The following ZFHX3 variants were observed in gnomAD, a reference collection of about 807,000 sequenced individuals.
ZFHX3 encodes the protein zinc finger homeobox protein 3.
ZFHX3 carries 42 observed loss-of-function variants against 279.1 expected under a neutral mutation model. That is an observed-to-expected ratio of 0.15 (90% confidence interval 0.12 to 0.19). ZFHX3 has a LOEUF of 0.19. Ranked by LOEUF, ZFHX3 falls within the 10% of genes least tolerant of loss-of-function variation. The probability of loss-of-function intolerance (pLI) is 1.00; values close to 1 mark genes in which losing one functional copy is unlikely to be tolerated. For missense variants in ZFHX3, 4,981 were observed against 4,754.0 expected, an observed-to-expected ratio of 1.05 and a Z score of -1.40; for synonymous variants, 2,293 against 1,957.8, an observed-to-expected ratio of 1.17 and a Z score of -4.52.
At chr16:73,849,718 A>G (rs555313313) in intron 1 of ZFHX3, among the ~76,000 whole-genome samples, 1 of 152,280 alleles carries the variant, frequency 6.6e-6, no homozygotes, top group African/African-American at 2.4e-5. Context: ...TGTTGCCTTC[A>G]TCCACTGATA....
chr16:73,530,300 C>CA (rs2019776241), intron 2 of ZFHX3, among the ~76,000 whole-genome samples: 1 of 152,086 alleles, frequency 6.6e-6, no homozygotes, highest in Non-Finnish European at 1.5e-5. Flanking sequence ...GTCTGTCCCA[C>CA]AAAAATTGGG....
intron 5 of ZFHX3, among the ~76,000 whole-genome samples, chr16:73,253,945 T>A (rs60872353): frequency 0.08 from 12,212 of 152,214 alleles, 594 homozygotes; most frequent in African/African-American, 0.12. Context: ...ATACTGGCCT[T>A]GGAGGTGTCC....
intron 1 of ZFHX3, among the ~76,000 whole-genome samples, chr16:73,716,965 A>C (rs2053422238): frequency 6.6e-6 from 1 of 152,102 alleles, no homozygotes; most frequent in Admixed American, 6.5e-5. Flanking sequence ...GATGAAAATA[A>C]AATTATTTTC....
chr16:73,874,952 T>G (rs757170336), intron 1 of ZFHX3, among the ~76,000 whole-genome samples: 5 of 152,318 alleles, frequency 3.3e-5, no homozygotes, highest in African/African-American at 1.2e-4. Context: ...ATACATACAG[T>G]TGGCAACAGA....
intron 1 of ZFHX3, among the ~76,000 whole-genome samples, chr16:72,964,228 C>A (rs758316877): frequency 1.1e-4 from 17 of 152,038 alleles, no homozygotes; most frequent in Non-Finnish European, 1.9e-4. Context: ...AGGAAAGAAC[C>A]CAAGCAATGC....
At chr16:73,475,158 T>A (rs1282091450) in intron 2 of ZFHX3, among the ~76,000 whole-genome samples, 1 of 152,238 alleles carries the variant, frequency 6.6e-6, no homozygotes, top group Non-Finnish European at 1.5e-5. Context: ...GAGGCCACTC[T>A]CACATTTTTG....
At chr16:72,943,970 T>C (rs188771227) in intron 3 of ZFHX3, among the ~76,000 whole-genome samples, 9 of 152,336 alleles carry the variant, frequency 5.9e-5, no homozygotes, top group African/African-American at 1.2e-4. Flanking sequence ...AGTATCTATA[T>C]GTACTGACCT....
chr16:73,028,497 T>A (rs1349413988), intron 1 of ZFHX3, among the ~76,000 whole-genome samples: 1 of 152,162 alleles, frequency 6.6e-6, no homozygotes, highest in Non-Finnish European at 1.5e-5. Context: ...TGGTCGCTCC[T>A]CCTGCCAACC....
intron 2 of ZFHX3, among the ~76,000 whole-genome samples, chr16:73,470,823 C>T (rs930779015): frequency 2.6e-5 from 4 of 152,186 alleles, no homozygotes; most frequent in Non-Finnish European, 5.9e-5. Context: ...TATACCTCAT[C>T]ACGGCTACCT....
At chr16:73,873,086 G>A (rs1390556606) in intron 1 of ZFHX3, among the ~76,000 whole-genome samples, 7 of 54,354 alleles carry the variant, frequency 1.3e-4, no homozygotes, top group South Asian at 7.6e-4. Context: ...GTGGTGGTGG[G>A]TGGTGGGTGG....
In ZFHX3 at chr16:73,860,122, C is replaced by T. The variant is rs764936246; in HGVS notation, c.-1608+31529G>A. 4.7e-4 allele frequency among the ~76,000 whole-genome samples: 72 copies of T among 152,170 alleles called. 1 individual carries two copies. The highest frequency in any genetic ancestry group is 4.1e-4 in the South Asian group (2 of 4,830). On this transcript the variant is annotated intron_variant, in intron 1 of 17. Transcript: ENST00000641206. Reference sequence around the variant, plus strand: ...ATAGCAAAGAAGAACCATTCTGAAGCGAGACCATCCTGACGTGCCCCTCCT... The same window carrying T: ...ATAGCAAAGAAGAACCATTCTGAAGTGAGACCATCCTGACGTGCCCCTCCT...
chr16:73,076,239 G>A (rs192674311), intron 8 of ZFHX3, among the ~76,000 whole-genome samples: 4 of 152,184 alleles, frequency 2.6e-5, no homozygotes, highest in African/African-American at 7.2e-5. Flanking sequence ...GGGTTGCAGC[G>A]TGAAGATCAA....
intron 7 of ZFHX3, among the ~76,000 whole-genome samples, chr16:73,106,790 G>C (rs1428353285): frequency 2.0e-5 from 3 of 152,158 alleles, no homozygotes; most frequent in Non-Finnish European, 4.4e-5. Flanking sequence ...AATAATGATG[G>C]TGCACCTGTC....
chr16:73,044,696 A>G (rs1299540773), intron 1 of ZFHX3, among the ~76,000 whole-genome samples: 1 of 152,168 alleles, frequency 6.6e-6, no homozygotes, highest in Non-Finnish European at 1.5e-5. Flanking sequence ...ATCTCAGCTC[A>G]CTGCAACCTC....
At chr16:73,548,825 G>T (rs1451508247) in intron 2 of ZFHX3, among the ~76,000 whole-genome samples, 1 of 152,082 alleles carries the variant, frequency 6.6e-6, no homozygotes, top group Non-Finnish European at 1.5e-5. Context: ...GACATCAAAT[G>T]ATAAAAAGCA....
intron 4 of ZFHX3, among the ~76,000 whole-genome samples, chr16:73,296,861 G>T (rs922056728): frequency 6.9e-6 from 1 of 144,850 alleles, no homozygotes; most frequent in African/African-American, 2.5e-5. Flanking sequence ...CTTTATAATT[G>T]CCATGTGAAG....
At position 73,716,708 on chromosome 16, in the gene ZFHX3, C is replaced by A. The variant is rs560125354; in HGVS notation, c.-1607-36468G>T. ...CTGTTCATAATTGAACCGGTCCGAG[C>A]GTGCAGGGCCTTCACACAGAGTGAT... On this transcript the variant is annotated intron_variant, in intron 1 of 17. Transcript: ENST00000641206. Among the ~76,000 whole-genome samples the A allele has an allele frequency of 3.9e-5, 6 of 151,982 alleles. 1 individual carries two copies. The South Asian group carries it at 1.2e-3, about 32-fold the overall frequency.
chr16:73,195,402 G>A (rs1968121214), intron 5 of ZFHX3, among the ~76,000 whole-genome samples: 1 of 146,468 alleles, frequency 6.8e-6, no homozygotes, highest in Non-Finnish European at 1.5e-5. Context: ...AAATATGGTT[G>A]TGTCTTTACT....
chr16:73,371,355 GTTC>G (rs2016626040), intron 3 of ZFHX3, among the ~76,000 whole-genome samples: 1 of 151,758 alleles, frequency 6.6e-6, no homozygotes, highest in African/African-American at 2.4e-5. Flanking sequence ...ATATGCAAAG[GTTC>G]TTAAGGTCAG....
Sources: allele counts gnomAD v4.1 joint callset (sites outside exome capture counted in the v4.1 genomes callset), GRCh38; gene constraint gnomAD v4.1.1; transcripts MANE v1.5; gene names NCBI Gene and HGNC (gene_info 2026-07-23, HGNC 2026-07-21).